MARCHF1: variants seen among roughly 807,000 people sequenced by gnomAD.
MARCHF1 encodes the protein membrane associated ring-CH-type finger 1, also known as E3 ubiquitin-protein ligase MARCHF1.
In MARCHF1, 40 loss-of-function variants were observed where a neutral mutation model predicts 54.2. The observed-to-expected ratio is 0.74, with a 90% CI of 0.57 to 0.96. The LOEUF is 0.96. MARCHF1 is among the 40% of genes least tolerant of loss of function. The pLI, the probability that MARCHF1 is intolerant of heterozygous loss-of-function variation, is 0.00. For synonymous variants in MARCHF1, 236 were observed against 236.3 expected (o/e 1.00, Z 0.01); for missense variants, 586 against 656.5 (o/e 0.89, Z 1.17).
At chr4:163,845,459 T>TCA (rs1749456540) in intron 4 of MARCHF1, among the ~76,000 whole-genome samples, 3 of 77,936 alleles carry the variant, frequency 3.8e-5, no homozygotes, top group Non-Finnish European at 7.1e-5. Context: ...TGCACCTCAG[T>TCA]TACACACACA....
chr4:163,845,984 A>G (rs1749474343), intron 4 of MARCHF1, among the ~76,000 whole-genome samples: 1 of 152,194 alleles, frequency 6.6e-6, no homozygotes, highest in Non-Finnish European at 1.5e-5. Flanking sequence ...TTACTTTCTT[A>G]CAAAAATCAA....
intron 4 of MARCHF1, among the ~76,000 whole-genome samples, chr4:163,805,288 C>T (rs1158542237): frequency 1.3e-5 from 2 of 151,598 alleles, no homozygotes; most frequent in South Asian, 2.1e-4. Context: ...TATAAGAATG[C>T]CATAATTGTG....
Position 163,709,025 on chromosome 4 carries a change from C to A in MARCHF1, c.112-8162G>T, listed in dbSNP as rs142357224. Among the ~76,000 whole-genome samples the A allele has an allele frequency of 3.0e-3, 451 of 152,194 alleles. 3 individuals are homozygous for A. Among genetic ancestry groups the A allele is most frequent in the African/African-American group, 0.01 (430 of 41,552 alleles). On this transcript the variant is annotated intron_variant, in intron 4 of 9. Transcript: ENST00000514618. Reference sequence around the variant, plus strand: ...AAATGTGTAGAGGACAATTCCATTTCTTTAAAAATAATGAAATAGATTATG... The same window carrying A: ...AAATGTGTAGAGGACAATTCCATTTATTTAAAAATAATGAAATAGATTATG...
Position 164,237,718 on chromosome 4 carries a change from T to C in MARCHF1, c.-322-126056A>G, listed in dbSNP as rs553956387. On this transcript the variant is annotated intron_variant, in intron 1 of 9. Transcript: ENST00000514618. ...CTGCACTTAAACGATCCCCCCAAAA[T>C]GCAGCGTAGTGTTTTGTGTTTGACC... Among the ~76,000 whole-genome samples the C allele has an allele frequency of 2.0e-5, 3 of 152,144 alleles. No individual in the cohort carries two copies. In the East Asian group the frequency reaches 5.8e-4, roughly 29 times the overall value.
intron 2 of MARCHF1, among the ~76,000 whole-genome samples, chr4:164,085,870 T>C (rs754526117): frequency 1.6e-4 from 24 of 151,790 alleles, no homozygotes; most frequent in Non-Finnish European, 3.2e-4. Context: ...TGAGATAAGA[T>C]AGAATACTTA....
chr4:163,549,064 G>T (rs1288365679), intron 8 of MARCHF1, among the ~76,000 whole-genome samples: 1 of 152,190 alleles, frequency 6.6e-6, no homozygotes, highest in Non-Finnish European at 1.5e-5. Flanking sequence ...CACCTCTAGA[G>T]AAGGTTGTTC....
intron 2 of MARCHF1, among the ~76,000 whole-genome samples, chr4:164,021,280 G>T (rs1753658077): frequency 6.6e-6 from 1 of 152,028 alleles, no homozygotes; most frequent in Non-Finnish European, 1.5e-5. Context: ...CTTCTCTTAG[G>T]CAGCATCTCT....
Position 164,151,218 on chromosome 4 carries a change from G to A in MARCHF1, c.-322-39556C>T, listed in dbSNP as rs115404759. Among the ~76,000 whole-genome samples the A allele has an allele frequency of 8.7e-3, 1,329 of 152,240 alleles. 22 individuals carry two copies. Among genetic ancestry groups the A allele is most frequent in the African/African-American group, 0.03 (1,248 of 41,538 alleles). On this transcript the variant is annotated intron_variant, in intron 1 of 9. Transcript: ENST00000514618. ...AATTTGTAGTAACAGCAATAGAAAC[G>A]AAGACAGTGATGAATAGGAGAGCTA... is the stretch of plus-strand genomic sequence containing the variant.
intron 1 of MARCHF1, among the ~76,000 whole-genome samples, chr4:164,300,963 T>TG (rs1465147160): frequency 1.3e-5 from 2 of 152,064 alleles, no homozygotes; most frequent in African/African-American, 4.8e-5. Context: ...TCTGAGTAGA[T>TG]GGGGGAAGAG....
intron 8 of MARCHF1, among the ~76,000 whole-genome samples, chr4:163,553,751 T>C (rs765491279): frequency 2.0e-5 from 3 of 152,182 alleles, no homozygotes; most frequent in Admixed American, 6.5e-5. Flanking sequence ...TTAAAGGAAC[T>C]CAAACATTCC....
At chr4:164,001,840 C>G (rs955466359) in intron 2 of MARCHF1, among the ~76,000 whole-genome samples, 1 of 151,724 alleles carries the variant, frequency 6.6e-6, no homozygotes, top group African/African-American at 2.4e-5. Flanking sequence ...TTTGGTTACA[C>G]ACTAATTTGC....
intron 3 of MARCHF1, among the ~76,000 whole-genome samples, chr4:163,913,378 T>C (rs781008768): frequency 6.6e-6 from 1 of 152,186 alleles, no homozygotes; most frequent in Non-Finnish European, 1.5e-5. Flanking sequence ...TGGCTTTTAA[T>C]TTTAGTTGTT....
intron 5 of MARCHF1, among the ~76,000 whole-genome samples, chr4:163,664,770 A>G (rs574380084): frequency 6.6e-6 from 1 of 152,176 alleles, no homozygotes; most frequent in Non-Finnish European, 1.5e-5. Context: ...AAACATATTA[A>G]ATTACTTTTT....
At position 163,616,715 on chromosome 4, in the gene MARCHF1, G is replaced by A. The variant is rs13120450; in HGVS notation, c.163-3322C>T. Among the ~76,000 whole-genome samples, 793 of 149,004 alleles carry A rather than the reference G, an allele frequency of 5.3e-3. 23 individuals are homozygous for A. Among genetic ancestry groups the A allele is most frequent in the East Asian group, 2.6e-3 (13 of 4,940 alleles). ...GCAACATAGTGAGACCCCTGTCTCT[G>A]AAAACACACACACACACACACAAAA... On this transcript the variant is annotated intron_variant, in intron 5 of 9. Coordinates refer to ENST00000514618, the MANE Select transcript of MARCHF1 (RefSeq NM_001394959.1).
At chr4:163,770,840 A>T (rs1437118778) in intron 4 of MARCHF1, among the ~76,000 whole-genome samples, 2 of 152,220 alleles carry the variant, frequency 1.3e-5, no homozygotes, top group Non-Finnish European at 2.9e-5. Flanking sequence ...AGCTCCTATC[A>T]GACAGTTATG....
chr4:164,028,664 C>T (rs1753817786), intron 2 of MARCHF1, among the ~76,000 whole-genome samples: 1 of 152,096 alleles, frequency 6.6e-6, no homozygotes. Context: ...ATACCCCTAA[C>T]CTCAATATCA....
chr4:163,679,889 C>T (rs916531081), intron 5 of MARCHF1, among the ~76,000 whole-genome samples: 1 of 152,038 alleles, frequency 6.6e-6, no homozygotes, highest in African/African-American at 2.4e-5. Context: ...GGTGAGCCAC[C>T]GCGCCCGGCC....
intron 4 of MARCHF1, among the ~76,000 whole-genome samples, chr4:163,784,217 C>A (rs1451865927): frequency 6.6e-6 from 1 of 150,860 alleles, no homozygotes; most frequent in East Asian, 1.9e-4. Context: ...GGAACTCAGG[C>A]AAAGAGAAGC....
chr4:163,813,860 G>A (rs1294223075), intron 4 of MARCHF1, among the ~76,000 whole-genome samples: 2 of 152,166 alleles, frequency 1.3e-5, no homozygotes, highest in Non-Finnish European at 2.9e-5. Flanking sequence ...CTTGGAACAT[G>A]TCTGGGGTCC....
Sources: allele counts gnomAD v4.1 joint callset (sites outside exome capture counted in the v4.1 genomes callset), GRCh38; gene constraint gnomAD v4.1.1; transcripts MANE v1.5; gene names NCBI Gene and HGNC (gene_info 2026-07-23, HGNC 2026-07-21).